AVL9: variants seen among roughly 807,000 people sequenced by gnomAD.
AVL9 encodes late secretory pathway protein AVL9 homolog.
In AVL9, 49 loss-of-function variants were observed where a neutral mutation model predicts 79.2. The ratio of observed to expected loss-of-function variants is 0.62; its 90% CI spans 0.49 to 0.79. The LOEUF is 0.79. Among genes scored for constraint, AVL9 ranks in the 30% least tolerant of loss-of-function variants. The probability of loss-of-function intolerance (pLI) is 0.00; values close to 1 mark genes in which losing one functional copy is unlikely to be tolerated. For synonymous variants in AVL9, 299 were observed against 280.6 expected (o/e 1.07, Z -0.65); for missense variants, 682 against 776.8 (o/e 0.88, Z 1.45).
chr7:32,504,929 G>A (rs1412640348), intron 1 of AVL9, among the ~76,000 whole-genome samples: 6 of 151,638 alleles, frequency 4.0e-5, no homozygotes, highest in Non-Finnish European at 8.8e-5. Flanking sequence ...GCTGGAGTGC[G>A]GTGGCATGAT....
chr7:32,497,096 T>A (rs1786859056), intron 1 of AVL9, among the ~76,000 whole-genome samples: 1 of 143,516 alleles, frequency 7.0e-6, no homozygotes, highest in South Asian at 2.4e-4. Context: ...CAAGACCCTG[T>A]CTCAATCCCA....
chr7:32,551,604 A>ATTTTTTTTTTTTTTT (rs1789822905), intron 5 of AVL9, among the ~76,000 whole-genome samples, 181 bp downstream of exon 5: 1 of 17,792 alleles, frequency 5.6e-5, no homozygotes, highest in African/African-American at 2.5e-4. Flanking sequence ...ATTTAACCAA[A>ATTTTTTTTTTTTTTT]CTTTTTTTTT....
intron 11 of AVL9, 121 bp downstream of exon 11, chr7:32,570,275 T>A: frequency 7.6e-7 from 1 of 1,315,676 alleles, no homozygotes; most frequent in South Asian, 1.3e-5. Context: ...CTGTATGCCA[T>A]GTATTCTAAG....
intron 1 of AVL9, among the ~76,000 whole-genome samples, chr7:32,500,875 A>G (rs549405084): frequency 6.6e-6 from 1 of 152,284 alleles, no homozygotes; most frequent in South Asian, 2.1e-4. Flanking sequence ...TCTTTTCCCC[A>G]TTGCTTATTT....
At chr7:32,542,399 A>C (rs1049774920) in intron 1 of AVL9, among the ~76,000 whole-genome samples, 1 of 150,818 alleles carries the variant, frequency 6.6e-6, no homozygotes, top group Non-Finnish European at 1.5e-5. Context: ...AAAAAAAAAA[A>C]AAAAAAATTA....
chr7:32,571,093 A>G (rs1226120815), intron 11 of AVL9, among the ~76,000 whole-genome samples: 2 of 149,990 alleles, frequency 1.3e-5, no homozygotes, highest in African/African-American at 4.9e-5. Flanking sequence ...TTAGCCAGAC[A>G]TGGTGGTGCA....
chr7:32,509,325 A>C (rs10273167), intron 1 of AVL9, among the ~76,000 whole-genome samples: 4 of 151,956 alleles, frequency 2.6e-5, no homozygotes, highest in Non-Finnish European at 2.9e-5. Flanking sequence ...ACAATAAAAA[A>C]CAAAACTCTG....
intron 5 of AVL9, 140 bp from the exon 6 acceptor site, chr7:32,552,089 G>T: frequency 1.7e-6 from 1 of 588,200 alleles, no homozygotes. Context: ...AGGTTGCAGA[G>T]AGGCTTGATT....
In AVL9 at chr7:32,570,261, C is replaced by T. The variant is rs1162949601; in HGVS notation, c.1350+107C>T. 7 of 1,382,598 alleles carry T rather than the reference C, an allele frequency of 5.1e-6. No individual in the cohort carries two copies. The African/African-American group carries it at 8.6e-5, about 17-fold the overall frequency. 85.6% of individuals were successfully genotyped at this position (1,382,598 alleles called of 1,614,324 possible). On this transcript the variant is annotated intron_variant, in intron 11 of 15. Transcript: ENST00000318709. ...ACAACATTAGTAATGATAATAACTG[C>T]ATACTGTATGCCATGTATTCTAAGT...
chr7:32,550,008 A>C (rs2128137531), intron 4 of AVL9, among the ~76,000 whole-genome samples: 1 of 152,238 alleles, frequency 6.6e-6, no homozygotes, highest in African/African-American at 2.4e-5. Flanking sequence ...TATTCATCTG[A>C]TTCCTGTACA....
At chr7:32,556,584 T>A (rs73099485) in intron 8 of AVL9, among the ~76,000 whole-genome samples, 9,727 of 151,256 alleles carry the variant, frequency 0.064, 373 homozygotes, top group Non-Finnish European at 0.085. Flanking sequence ...GTTTTTTTTT[T>A]AAAAATGAAC....
chr7:32,551,486 T>C (rs1223508940), intron 5 of AVL9, 63 bp downstream of exon 5: 2 of 890,688 alleles, frequency 2.2e-6, no homozygotes, highest in East Asian at 2.5e-5. Flanking sequence ...CAAGTAAATA[T>C]TGTCAGTAAT....
chr7:32,573,107 C>T (rs1029482701), intron 11 of AVL9, 92 bp from the exon 12 acceptor site: 2 of 957,754 alleles, frequency 2.1e-6, no homozygotes, highest in South Asian at 1.5e-5. Context: ...TTTTTATTTC[C>T]AGCTCCACCT....
intron 1 of AVL9, among the ~76,000 whole-genome samples, chr7:32,518,165 A>G (rs1787990408): frequency 6.6e-6 from 1 of 152,162 alleles, no homozygotes; most frequent in South Asian, 2.1e-4. Context: ...AGACATTGAT[A>G]TTAGTTTAGT....
intron 1 of AVL9, among the ~76,000 whole-genome samples, chr7:32,499,076 TTG>T (rs1786999595): frequency 3.3e-5 from 5 of 149,748 alleles, no homozygotes; most frequent in African/African-American, 4.9e-5. Flanking sequence ...GGCAGGAGAT[TTG>T]CTTGAATCTG....
chr7:32,565,559 CA>C (rs56944092), intron 10 of AVL9, among the ~76,000 whole-genome samples: 30 of 141,062 alleles, frequency 2.1e-4, no homozygotes, highest in Non-Finnish European at 2.4e-4. Flanking sequence ...AACTCCGTCT[CA>C]AAAAAAAAAA....
chr7:32,551,649 A>AT (rs1193183024), intron 5 of AVL9, among the ~76,000 whole-genome samples: 9 of 135,796 alleles, frequency 6.6e-5, no homozygotes, highest in African/African-American at 2.5e-4. Context: ...ACAAATAACT[A>AT]TAACTAACAG....
intron 1 of AVL9, among the ~76,000 whole-genome samples, chr7:32,496,026 A>C (rs921468311): frequency 6.7e-6 from 1 of 149,038 alleles, no homozygotes; most frequent in Admixed American, 6.7e-5. Flanking sequence ...ATGGTTGAGC[A>C]GCGGAGGAGC....
At chr7:32,503,875 G>T (rs1787297153) in intron 1 of AVL9, among the ~76,000 whole-genome samples, 1 of 151,998 alleles carries the variant, frequency 6.6e-6, no homozygotes, top group South Asian at 2.1e-4. Flanking sequence ...TAGAGTCAGG[G>T]TTTCACCCTG....
Sources: gnomAD v4.1 joint callset for allele counts (sites outside exome capture counted in the v4.1 genomes callset) on GRCh38, gnomAD v4.1.1 for gene constraint, MANE v1.5 for transcripts, NCBI Gene and HGNC (gene_info 2026-07-23, HGNC 2026-07-21) for gene names.